Variants in CCSER2 observed in about 807,000 individuals in gnomAD.
The protein encoded by CCSER2 is serine-rich coiled-coil domain-containing protein 2.
CCSER2 carries 46 observed loss-of-function variants against 92.3 expected under a neutral mutation model. The ratio of observed to expected loss-of-function variants is 0.50; its 90% CI spans 0.39 to 0.64. The LOEUF is 0.64. CCSER2 is among the 30% of genes least tolerant of loss of function. The probability of loss-of-function intolerance (pLI) is 0.00; values close to 1 mark genes in which losing one functional copy is unlikely to be tolerated. For missense variants in CCSER2, 1,244 were observed against 1,238.9 expected, an observed-to-expected ratio of 1.00 and a Z score of -0.06; for synonymous variants, 433 against 431.4, an observed-to-expected ratio of 1.00 and a Z score of -0.04.
chr10:84,373,627 GAAT>G lies in CCSER2; in HGVS notation c.1427_1429del (p.Glu476_Cys477delinsGly). The stretch of plus-strand genomic sequence containing the variant: ...CCTTTTTTCTCTTGAAGACAGGAGT[GAAT>G]GTACAAAACATACTTCTGGGAATAA... On this transcript the variant is annotated inframe_deletion, in exon 3 of 10. Transcript: ENST00000372088. 12 of 1,609,784 alleles carry G rather than the reference GAAT, an allele frequency of 7.5e-6. No individual in the cohort carries two copies. The highest frequency in any genetic ancestry group is 1.0e-5 in the Non-Finnish European group (12 of 1,176,636).
intron 9 of CCSER2, among the ~76,000 whole-genome samples, chr10:84,490,535 C>T (rs1848095293): frequency 1.3e-5 from 2 of 152,162 alleles, no homozygotes; most frequent in African/African-American, 4.8e-5. Flanking sequence ...ATCAAATCGG[C>T]TACTGAAGCT....
chr10:84,459,130 C>T (rs1845949094), intron 6 of CCSER2, among the ~76,000 whole-genome samples: 1 of 152,084 alleles, frequency 6.6e-6, no homozygotes, highest in Admixed American at 6.5e-5. Flanking sequence ...GCGTCAGCCT[C>T]CTGAGTAGCT....
chr10:84,442,577 G>A (rs1844641049), intron 6 of CCSER2, among the ~76,000 whole-genome samples: 1 of 152,088 alleles, frequency 6.6e-6, no homozygotes, highest in African/African-American at 2.4e-5. Flanking sequence ...TCTTTTTTGT[G>A]TGTTTTTTAA....
chr10:84,355,214 G>A (rs1199165934), intron 1 of CCSER2, among the ~76,000 whole-genome samples: 1 of 151,724 alleles, frequency 6.6e-6, no homozygotes, highest in Non-Finnish European at 1.5e-5. Flanking sequence ...CCATAGTAAA[G>A]TCCAGACTTC....
At chr10:84,348,807 C>G (rs548177560) in intron 1 of CCSER2, among the ~76,000 whole-genome samples, 44 of 152,188 alleles carry the variant, frequency 2.9e-4, no homozygotes, top group Admixed American at 1.1e-3. Flanking sequence ...CAAAAAATAT[C>G]TAAATACTCT....
At chr10:84,497,817 A>G (rs1848531210) in intron 9 of CCSER2, among the ~76,000 whole-genome samples, 1 of 152,230 alleles carries the variant, frequency 6.6e-6, no homozygotes, top group African/African-American at 2.4e-5. Flanking sequence ...ATTGTTTTAA[A>G]TGCCATATAA....
intron 9 of CCSER2, among the ~76,000 whole-genome samples, chr10:84,484,106 T>G (rs1375834822): frequency 6.6e-6 from 1 of 150,622 alleles, no homozygotes; most frequent in Non-Finnish European, 1.5e-5. Context: ...CCCAAGTAGC[T>G]GGGACTACAG....
At chr10:84,465,904 C>T (rs552564429) in intron 7 of CCSER2, among the ~76,000 whole-genome samples, 2 of 152,220 alleles carry the variant, frequency 1.3e-5, no homozygotes, top group South Asian at 4.1e-4. Context: ...GTGCCCACCA[C>T]CGCGCCCAGC....
intron 7 of CCSER2, among the ~76,000 whole-genome samples, chr10:84,465,240 TG>T (rs1846327718): frequency 0.01 from 5 of 480 alleles, no homozygotes; most frequent in Middle Eastern, 0.25. Context: ...TTCCTGAATT[TG>T]TGTGTGTGTG....
chr10:84,348,281 T>G, intron 1 of CCSER2, among the ~76,000 whole-genome samples: 1 of 152,096 alleles, frequency 6.6e-6, no homozygotes, highest in Non-Finnish European at 1.5e-5. Context: ...CGAAACCCCG[T>G]CTCCACCAAA....
intron 1 of CCSER2, among the ~76,000 whole-genome samples, chr10:84,347,881 C>T (rs1844616630): frequency 6.6e-6 from 1 of 151,898 alleles, no homozygotes; most frequent in African/African-American, 2.4e-5. Context: ...GTGCTCCCCA[C>T]ATCTCAGATG....
At chr10:84,374,629 G>T (rs1393510270) in intron 3 of CCSER2, among the ~76,000 whole-genome samples, 1 of 152,228 alleles carries the variant, frequency 6.6e-6, no homozygotes, top group East Asian at 1.9e-4. Context: ...GTGCCTGGAA[G>T]GCAAGGGAAT....
At chr10:84,387,870 CT>C (rs1380072150) in intron 3 of CCSER2, among the ~76,000 whole-genome samples, 1 of 151,692 alleles carries the variant, frequency 6.6e-6, no homozygotes, top group Non-Finnish European at 1.5e-5. Flanking sequence ...CTTTTCTTTT[CT>C]TTTGTTTTTT....
At chr10:84,474,915 T>G (rs927761646) in intron 8 of CCSER2, among the ~76,000 whole-genome samples, 1 of 152,178 alleles carries the variant, frequency 6.6e-6, no homozygotes, top group Non-Finnish European at 1.5e-5. Context: ...CAAGAAATTA[T>G]GTAGGTCCCA....
intron 3 of CCSER2, among the ~76,000 whole-genome samples, chr10:84,414,630 G>A (rs1196600959): frequency 6.6e-6 from 1 of 151,644 alleles, no homozygotes. Flanking sequence ...TGTGTCTTGG[G>A]GTTGATCTTC....
chr10:84,483,444 A>G (rs1048831550), intron 9 of CCSER2, among the ~76,000 whole-genome samples: 1 of 152,074 alleles, frequency 6.6e-6, no homozygotes, highest in Admixed American at 6.6e-5. Context: ...ATACTGGGTC[A>G]AGTATTTTCC....
intron 6 of CCSER2, among the ~76,000 whole-genome samples, chr10:84,444,170 A>G (rs1313142703): frequency 6.6e-6 from 1 of 152,132 alleles, no homozygotes; most frequent in Non-Finnish European, 1.5e-5. Context: ...AGGATGCTAG[A>G]GAAGAGGCAG....
intron 1 of CCSER2, among the ~76,000 whole-genome samples, chr10:84,348,312 C>T (rs1844652834): frequency 6.6e-6 from 1 of 152,224 alleles, no homozygotes; most frequent in Non-Finnish European, 1.5e-5. Context: ...ACCAGTCAGG[C>T]GTGGCGGCAC....
chr10:84,428,985 G>GTATATATATATATATATATATATATA (rs60243946), intron 5 of CCSER2, among the ~76,000 whole-genome samples: 1 of 140,848 alleles, frequency 7.1e-6, no homozygotes, highest in Non-Finnish European at 1.5e-5. Context: ...GTGTGTATGT[G>GTATATATATATATATATATATATATA]TATATATATA....
Sources: allele counts gnomAD v4.1 joint callset (sites outside exome capture counted in the v4.1 genomes callset), GRCh38; gene constraint gnomAD v4.1.1; transcripts MANE v1.5; gene names NCBI Gene and HGNC (gene_info 2026-07-23, HGNC 2026-07-21).